The following HHAT variants were observed in gnomAD, a reference collection of about 807,000 sequenced individuals.
HHAT encodes the protein protein-cysteine N-palmitoyltransferase HHAT.
Under a neutral mutation model 70.8 loss-of-function variants are expected in HHAT, and 47 were observed. The observed-to-expected ratio is 0.66, with a 90% CI of 0.53 to 0.85. The LOEUF (loss-of-function observed/expected upper bound fraction) is 0.85, where lower values mean the gene tolerates loss of function less well. Ranked by LOEUF, HHAT falls within the 40% of genes least tolerant of loss-of-function variation. The pLI, the probability that HHAT is intolerant of heterozygous loss-of-function variation, is 0.00. For missense variants in HHAT, 609 were observed against 604.8 expected (o/e 1.01, Z -0.07); for synonymous variants, 228 against 247.6 (o/e 0.92, Z 0.74).
intron 5 of HHAT, among the ~76,000 whole-genome samples, chr1:210,401,238 C>A (rs2092056900): frequency 6.6e-6 from 1 of 152,178 alleles, no homozygotes; most frequent in East Asian, 1.9e-4. Flanking sequence ...CCTCAGTCAA[C>A]CGAGTGGGTG....
At chr1:210,597,277 C>A (rs1016501461) in intron 10 of HHAT, among the ~76,000 whole-genome samples, 4 of 152,176 alleles carry the variant, frequency 2.6e-5, no homozygotes, top group Non-Finnish European at 5.9e-5. Context: ...TGGGTCAGAC[C>A]TGAAGCTAGC....
intron 10 of HHAT, among the ~76,000 whole-genome samples, chr1:210,610,328 T>C (rs1029379176): frequency 6.6e-6 from 1 of 152,112 alleles, no homozygotes; most frequent in Non-Finnish European, 1.5e-5. Flanking sequence ...TTTTGAGAAG[T>C]GTCTTTCATG....
intron 4 of HHAT, among the ~76,000 whole-genome samples, chr1:210,395,675 CAAAACAGCCAT>C (rs1008948187): frequency 2.6e-4 from 40 of 152,136 alleles, no homozygotes; most frequent in African/African-American, 9.4e-4. Context: ...CCTACATTAG[CAAAACAGCCAT>C]TGTTTATAAG....
At chr1:210,654,286 C>G (rs1407125628) in intron 11 of HHAT, among the ~76,000 whole-genome samples, 1 of 131,586 alleles carries the variant, frequency 7.6e-6, no homozygotes, top group African/African-American at 2.9e-5. Context: ...AAGGCAGTCC[C>G]CATTTCTACA....
intron 8 of HHAT, among the ~76,000 whole-genome samples, chr1:210,510,876 C>G (rs888021538): frequency 2.0e-5 from 3 of 152,222 alleles, no homozygotes; most frequent in African/African-American, 7.2e-5. Flanking sequence ...GTGATTTCTT[C>G]CATGTCTGCT....
Position 210,600,181 on chromosome 1 carries a change from A to G in HHAT, c.1245+12082A>G, listed in dbSNP as rs527628807. Among the ~76,000 whole-genome samples, 150 of 152,340 alleles carry G rather than the reference A, an allele frequency of 9.8e-4. 1 individual carries two copies. The highest frequency in any genetic ancestry group is 3.4e-3 in the Middle Eastern group (1 of 294). ...TCACAGTTGAAATGAAATTTTTGACATAATTTATTCCCTCGCTGAACTGTA... is the reference window on the plus strand; with the variant it reads ...TCACAGTTGAAATGAAATTTTTGACGTAATTTATTCCCTCGCTGAACTGTA... On this transcript the variant is annotated intron_variant, in intron 10 of 11. Coordinates refer to ENST00000261458, the MANE Select transcript of HHAT (RefSeq NM_018194.6).
intron 10 of HHAT, among the ~76,000 whole-genome samples, chr1:210,597,146 A>G (rs938988326): frequency 9.2e-5 from 14 of 152,156 alleles, no homozygotes; most frequent in African/African-American, 3.4e-4. Flanking sequence ...TTGTCAGGTA[A>G]AGACTCTTGT....
At chr1:210,593,768 G>A (rs545982446) in intron 10 of HHAT, among the ~76,000 whole-genome samples, 1 of 152,142 alleles carries the variant, frequency 6.6e-6, no homozygotes, top group African/African-American at 2.4e-5. Flanking sequence ...AGTAGGGTGT[G>A]TAATTTCTTC....
intron 10 of HHAT, among the ~76,000 whole-genome samples, chr1:210,604,813 C>T (rs945095591): frequency 4.6e-5 from 7 of 152,070 alleles, no homozygotes; most frequent in Admixed American, 6.6e-5. Context: ...GCCAGGAGTT[C>T]GACACCAGCC....
chr1:210,417,169 G>A (rs1330840023), intron 6 of HHAT, among the ~76,000 whole-genome samples: 3 of 152,190 alleles, frequency 2.0e-5, no homozygotes, highest in South Asian at 2.1e-4. Context: ...AAAACAGCCC[G>A]AGTTTATGGA....
intron 4 of HHAT, among the ~76,000 whole-genome samples, chr1:210,397,643 A>T (rs1383000600): frequency 6.6e-6 from 1 of 152,040 alleles, no homozygotes; most frequent in Non-Finnish European, 1.5e-5. Context: ...TTTACTTAAG[A>T]GAGAAAAAAG....
chr1:210,636,424 T>C (rs777977356), intron 11 of HHAT, among the ~76,000 whole-genome samples: 1 of 152,232 alleles, frequency 6.6e-6, no homozygotes, highest in Non-Finnish European at 1.5e-5. Flanking sequence ...GTTAGACTTA[T>C]TGCTTTTGTC....
intron 10 of HHAT, among the ~76,000 whole-genome samples, chr1:210,612,893 G>A (rs1304574725): frequency 1.3e-5 from 2 of 151,948 alleles, no homozygotes; most frequent in African/African-American, 2.4e-5. Flanking sequence ...TGACTTTTTT[G>A]TGCTTACTGG....
intron 11 of HHAT, among the ~76,000 whole-genome samples, chr1:210,659,063 C>T (rs1558375857): frequency 6.6e-6 from 1 of 151,894 alleles, no homozygotes; most frequent in African/African-American, 2.4e-5. Context: ...CAAAAGCTAG[C>T]AGAAGGCAAG....
At chr1:210,667,377 C>T (rs1010228780) in intron 11 of HHAT, among the ~76,000 whole-genome samples, 7 of 112,864 alleles carry the variant, frequency 6.2e-5, no homozygotes, top group Middle Eastern at 4.5e-3. Context: ...AGTGAAACTC[C>T]GTCAATAAAT....
intron 10 of HHAT, among the ~76,000 whole-genome samples, chr1:210,616,205 T>G (rs999259059): frequency 6.6e-6 from 1 of 151,588 alleles, no homozygotes; most frequent in African/African-American, 2.4e-5. Context: ...TAAAATCTAC[T>G]CTCTTAGTGA....
rs779482449 is a variant in HHAT, at chr1:210,400,566, T to A, written c.372T>A (p.Ser124=). The A allele has an allele frequency of 6.2e-7, 1 of 1,614,162 alleles. No individual in the cohort carries two copies. The part of the protein sequence containing the change: ...VAMVLLHTTI[S]FCVAQFRSQL... Reference sequence around the variant, plus strand: ...TGGTTTTGCTCCATACCACCATCTCTTTCTGCGTGGCCCAGTTCCGGTCTC... The same window carrying A: ...TGGTTTTGCTCCATACCACCATCTCATTCTGCGTGGCCCAGTTCCGGTCTC... The change falls in exon 5 of 12, where the codon TCT becomes TCA. Residue 124 remains serine, a synonymous_variant. Transcript: ENST00000261458.
intron 4 of HHAT, among the ~76,000 whole-genome samples, chr1:210,391,259 ATATACT>A (rs780201510): frequency 6.6e-6 from 1 of 152,230 alleles, no homozygotes; most frequent in East Asian, 1.9e-4. Context: ...GAAAGTATAC[ATATACT>A]TATCTCACAG....
intron 11 of HHAT, among the ~76,000 whole-genome samples, chr1:210,666,693 A>C (rs1022004846): frequency 5.9e-5 from 9 of 152,094 alleles, no homozygotes; most frequent in Non-Finnish European, 1.0e-4. Flanking sequence ...CATATTGGCC[A>C]AGCTGGTTTT....
Sources: allele counts gnomAD v4.1 joint callset (sites outside exome capture counted in the v4.1 genomes callset), GRCh38; gene constraint gnomAD v4.1.1; transcripts MANE v1.5; gene names NCBI Gene and HGNC (gene_info 2026-07-23, HGNC 2026-07-21).